NUCB2: variants seen among roughly 807,000 people sequenced by gnomAD.
The protein encoded by NUCB2 is nucleobindin 2, also known as nucleobindin-2.
Under a neutral mutation model 57.9 loss-of-function variants are expected in NUCB2, and 48 were observed. That is an observed-to-expected ratio of 0.83 (90% CI 0.66 to 1.05). The LOEUF (loss-of-function observed/expected upper bound fraction) is 1.05. Ranked by LOEUF, NUCB2 falls within the 50% of genes least tolerant of loss-of-function variation. The pLI is 0.00. For synonymous variants in NUCB2, 139 were observed against 152.1 expected (o/e 0.91, Z 0.64); for missense variants, 442 against 476.2 (o/e 0.93, Z 0.67).
rs777526579 is a variant in NUCB2, at chr11:17,311,873, T to G, written c.762T>G (p.Asp254Glu). The change falls in exon 9 of 14, where the codon GAT becomes GAG. Residue 254 changes from aspartate to glutamate, a missense_variant and splice_region_variant. Transcript: ENST00000529010. ...FDPKTFFKLHDVNSDGFLDEQ... is the reference protein window; with the variant it reads ...FDPKTFFKLHEVNSDGFLDEQ... ...GCATTTGTAACTTTTAAACTTTAGA[T>G]GTCAATAGTGATGGATTCCTGGATG... is the stretch of plus-strand genomic sequence containing the variant. 4.4e-6 allele frequency: 7 copies of G among 1,580,018 alleles called. No individual in the cohort carries two copies. The East Asian group carries it at 1.6e-4, about 35-fold the overall frequency.
At chr11:17,306,643 G>A (rs1437075153) in intron 5 of NUCB2, among the ~76,000 whole-genome samples, 1 of 152,080 alleles carries the variant, frequency 6.6e-6, no homozygotes, top group Non-Finnish European at 1.5e-5. Flanking sequence ...TAGGCTGGGC[G>A]TGGTGGCTCA....
intron 11 of NUCB2, among the ~76,000 whole-genome samples, chr11:17,324,191 A>G (rs1009571241): frequency 6.6e-6 from 1 of 152,162 alleles, no homozygotes; most frequent in Non-Finnish European, 1.5e-5. Context: ...AGTTATAACT[A>G]TAATTTTCCC....
At chr11:17,329,580 A>G (rs1951121717) in intron 11 of NUCB2, among the ~76,000 whole-genome samples, 1 of 152,202 alleles carries the variant, frequency 6.6e-6, no homozygotes, top group African/African-American at 2.4e-5. Context: ...CACTGAGTTC[A>G]ATGTAAAGTC....
At chr11:17,277,275 C>T (rs1941539085) in intron 1 of NUCB2, among the ~76,000 whole-genome samples, 2 of 152,230 alleles carry the variant, frequency 1.3e-5, no homozygotes, top group African/African-American at 4.8e-5. Context: ...CCAGCAACCT[C>T]TGACACTTAG....
rs1276259971 is a variant in NUCB2 at position 17,288,880 on chromosome 11, TATACACACACACACACACACACACAC to T, written c.-1+5939_-1+5964del. On this transcript the variant is annotated intron_variant, in intron 2 of 13. Coordinates refer to ENST00000529010, the MANE Select transcript of NUCB2 (RefSeq NM_005013.4). ...CTTAAAGTCTATTTAATAACATGTATATACACACACACACACACACACACACACACACACACACACACACACACACA... is the reference window on the plus strand; with the variant it reads ...CTTAAAGTCTATTTAATAACATGTATACACACACACACACACACACACACA... Among the ~76,000 whole-genome samples, 361 of 67,534 alleles carry T rather than the reference TATACACACACACACACACACACACAC, an allele frequency of 5.3e-3. 16 individuals carry two copies. The highest frequency in any genetic ancestry group is 0.018 in the African/African-American group (318 of 17,732). 44.3% of individuals were successfully genotyped at this position (67,534 alleles called of 152,430 possible).
chr11:17,332,028 G>A lies in NUCB2; in HGVS notation c.*609G>A, dbSNP rs1951454898. On this transcript the variant is annotated 3_prime_UTR_variant, in exon 14 of 14. Transcript: ENST00000529010. ...TCTATACTTTATCATTTAAGATTAG[G>A]TTATGTTACATATAACAGAAAAAAC... 1 of 151,998 alleles carries A rather than the reference G, an allele frequency of 6.6e-6. No individual in the cohort carries two copies. The highest frequency in any genetic ancestry group is 1.5e-5 in the Non-Finnish European group (1 of 67,996). The allele number at this position is 151,998 out of a possible 1,614,324, so 9.4% of individuals were successfully genotyped here. A position where few individuals can be genotyped will look rare whatever the true frequency, so the allele number is the denominator to read the frequency against.
In NUCB2 at chr11:17,309,391, C is replaced by G. The variant is rs1374713934; in HGVS notation, c.380-181C>G. Among the ~76,000 whole-genome samples the G allele has an allele frequency of 4.6e-5, 7 of 151,954 alleles. No homozygotes were observed. The East Asian group carries it at 1.3e-3, about 29-fold the overall frequency. Reference sequence around the variant, plus strand: ...GCATTCCACTCTAGGTTCAAGGACACTACCTTTAACTAGAATAACATACGC... The same window carrying G: ...GCATTCCACTCTAGGTTCAAGGACAGTACCTTTAACTAGAATAACATACGC... On this transcript the variant is annotated intron_variant, in intron 5 of 13. Transcript: ENST00000529010.
intron 8 of NUCB2, among the ~76,000 whole-genome samples, 196 bp downstream of exon 8, chr11:17,311,479 A>T (rs573633304): frequency 6.6e-6 from 1 of 152,260 alleles, no homozygotes; most frequent in East Asian, 1.9e-4. Context: ...CTCTGTCTTT[A>T]TACTGGCTTT....
intron 2 of NUCB2, among the ~76,000 whole-genome samples, chr11:17,348,156 C>T (rs1331124722): frequency 6.6e-6 from 1 of 151,560 alleles, no homozygotes; most frequent in Non-Finnish European, 1.5e-5. Context: ...CTATGTTGGC[C>T]AGTTGGTCTT....
intron 5 of NUCB2, among the ~76,000 whole-genome samples, chr11:17,308,175 A>G (rs1013850492): frequency 6.6e-6 from 1 of 152,192 alleles, no homozygotes; most frequent in Non-Finnish European, 1.5e-5. Context: ...AATATGTTCC[A>G]GGATCAACTT....
chr11:17,349,409 T>TCTTTTGC (rs1337370994), exon 3 of NUCB2: 1 of 152,260 alleles, frequency 6.6e-6, no homozygotes, highest in Non-Finnish European at 1.5e-5. Context: ...AGAACCCTTC[T>TCTTTTGC]CTTTTGCTGT....
intron 2 of NUCB2, among the ~76,000 whole-genome samples, chr11:17,291,065 A>G (rs1209947522): frequency 1.3e-5 from 2 of 151,824 alleles, no homozygotes; most frequent in African/African-American, 2.4e-5. Flanking sequence ...TTTAGCACTT[A>G]TTTCTCATTT....
intron 2 of NUCB2, among the ~76,000 whole-genome samples, chr11:17,286,879 T>C (rs771946902): frequency 1.4e-4 from 21 of 152,212 alleles, no homozygotes; most frequent in Non-Finnish European, 1.9e-4. Flanking sequence ...AAAGAGACTT[T>C]TGTGTCATTA....
Position 17,330,023 on chromosome 11 carries a change from TATAG to T in NUCB2, c.1003-100_1003-97del. 1 of 591,580 alleles carries T rather than the reference TATAG, an allele frequency of 1.7e-6. No individual in the cohort carries two copies. 36.6% of individuals were successfully genotyped at this position (591,580 alleles called of 1,614,324 possible). ...CTTCTTACCTCCAAAGGCGTAATCCTATAGATACTCTTTTATACTTTGCTAACCA... is the reference window on the plus strand; with the variant it reads ...CTTCTTACCTCCAAAGGCGTAATCCTATACTCTTTTATACTTTGCTAACCA... On this transcript the variant is annotated intron_variant, in intron 11 of 13. Transcript: ENST00000529010. This position sits in a 1 kb window ranked among gnomAD's most constrained non-coding sequence, Gnocchi z 4.3.
At chr11:17,279,379 G>T (rs1374955664) in intron 1 of NUCB2, among the ~76,000 whole-genome samples, 1 of 152,116 alleles carries the variant, frequency 6.6e-6, no homozygotes, top group Non-Finnish European at 1.5e-5. Flanking sequence ...GGCCAAGTCA[G>T]TTAACTTCCT....
chr11:17,305,323 CAAAAA>C (rs751481640), intron 5 of NUCB2, among the ~76,000 whole-genome samples: 3 of 145,600 alleles, frequency 2.1e-5, no homozygotes, highest in Admixed American at 6.9e-5. Context: ...GACTGTGTCT[CAAAAA>C]AAAAGAAAAG....
intron 2 of NUCB2, among the ~76,000 whole-genome samples, chr11:17,343,494 C>T (rs917493074): frequency 6.6e-6 from 1 of 152,202 alleles, no homozygotes; most frequent in African/African-American, 2.4e-5. Context: ...GGCACATATG[C>T]AGTCTGTGCC....
chr11:17,339,204 T>A (rs556267574), intron 2 of NUCB2, among the ~76,000 whole-genome samples: 1 of 151,602 alleles, frequency 6.6e-6, no homozygotes, highest in African/African-American at 2.4e-5. Flanking sequence ...GTCATGCTGG[T>A]CTTGAATGCC....
At chr11:17,327,560 T>C (rs559740359) in intron 11 of NUCB2, among the ~76,000 whole-genome samples, 2 of 152,326 alleles carry the variant, frequency 1.3e-5, no homozygotes, top group East Asian at 3.9e-4. Context: ...AAAACTCCTA[T>C]ATTTGCCGTT....
Sources: allele counts gnomAD v4.1 joint callset (sites outside exome capture counted in the v4.1 genomes callset), GRCh38; gene constraint gnomAD v4.1.1; non-coding constraint Gnocchi (gnomAD v3.1); transcripts MANE v1.5; gene names NCBI Gene and HGNC (gene_info 2026-07-23, HGNC 2026-07-21).